AKIRIN2: variants seen among roughly 807,000 people sequenced by gnomAD.
AKIRIN2 encodes akirin-2.
Under a neutral mutation model 29.3 loss-of-function variants are expected in AKIRIN2, and 6 were observed. The observed-to-expected ratio is 0.20, with a 90% CI of 0.11 to 0.40. The LOEUF is 0.40. Among genes scored for constraint, AKIRIN2 ranks in the 10% least tolerant of loss-of-function variants. The pLI is 1.00. For synonymous variants in AKIRIN2, 128 were observed against 117.5 expected (o/e 1.09, Z -0.58); for missense variants, 210 against 276.1 (o/e 0.76, Z 1.70).
intron 1 of AKIRIN2, among the ~76,000 whole-genome samples, chr6:87,697,296 CTT>C (rs1438559906): frequency 7.2e-6 from 1 of 138,536 alleles, no homozygotes; most frequent in Non-Finnish European, 1.5e-5. Context: ...CTGAGTAAGA[CTT>C]TGTCTCAAGA....
intron 1 of AKIRIN2, among the ~76,000 whole-genome samples, chr6:87,700,184 T>C (rs565389344): frequency 1.3e-5 from 2 of 151,092 alleles, no homozygotes; most frequent in African/African-American, 4.9e-5. Context: ...GTCCTTAAAT[T>C]AGACCAAATA....
chr6:87,681,812 A>G, intron 1 of AKIRIN2, 49 bp from the exon 2 acceptor site: 1 of 1,450,710 alleles, frequency 6.9e-7, no homozygotes, highest in Admixed American at 2.5e-5. Context: ...TTCACATTAA[A>G]AAAGAGGTTG....
chr6:87,680,762 C>T (rs924909089), intron 2 of AKIRIN2, among the ~76,000 whole-genome samples: 8 of 70,826 alleles, frequency 1.1e-4, no homozygotes, highest in East Asian at 4.1e-4. Context: ...CCTTATTCCC[C>T]GCCCCCCCCC....
At position 87,678,697 on chromosome 6, in the gene AKIRIN2, G is replaced by A. The variant is rs139887243; in HGVS notation, c.380-730C>T. ...TCAGGTCTAAATTTAATTTTATTTAGTCCCAGAATAACAAATCATTATGCC... is the reference window on the plus strand; with the variant it reads ...TCAGGTCTAAATTTAATTTTATTTAATCCCAGAATAACAAATCATTATGCC... On this transcript the variant is annotated intron_variant, in intron 2 of 4. Coordinates refer to ENST00000257787, the MANE Select transcript of AKIRIN2 (RefSeq NM_018064.4). Among the ~76,000 whole-genome samples the A allele has an allele frequency of 3.6e-3, 554 of 152,012 alleles. 5 individuals are homozygous for A. Among genetic ancestry groups the A allele is most frequent in the African/African-American group, 0.013 (523 of 41,472 alleles).
At chr6:87,679,351 A>G (rs1241631589) in intron 2 of AKIRIN2, among the ~76,000 whole-genome samples, 1 of 143,288 alleles carries the variant, frequency 7.0e-6, no homozygotes, top group Non-Finnish European at 1.5e-5. Flanking sequence ...ATGGCAAACC[A>G]TGTCTCTAAT....
intron 2 of AKIRIN2, among the ~76,000 whole-genome samples, chr6:87,678,482 AAG>A (rs1050432695): frequency 3.9e-5 from 6 of 152,304 alleles, no homozygotes; most frequent in South Asian, 2.1e-4. Context: ...AGCCTGGGCA[AAG>A]AGAGTGAAAC....
At position 87,675,360 on chromosome 6, in the gene AKIRIN2, C is replaced by T; in HGVS notation, c.*237G>A. ...TATAAGAAGCCAAATTGTAATGATACAGCAAAATGAGGCCACTGGTATTAA... is the reference window on the plus strand; with the variant it reads ...TATAAGAAGCCAAATTGTAATGATATAGCAAAATGAGGCCACTGGTATTAA... On this transcript the variant is annotated 3_prime_UTR_variant, in exon 5 of 5. Transcript: ENST00000257787. The T allele has an allele frequency of 1.8e-6, 1 of 548,344 alleles. No homozygotes were observed. Among genetic ancestry groups the T allele is most frequent in the Non-Finnish European group, 3.3e-6 (1 of 305,112 alleles). 34.0% of individuals were successfully genotyped at this position (548,344 alleles called of 1,614,324 possible).
intron 2 of AKIRIN2, among the ~76,000 whole-genome samples, chr6:87,680,418 G>A (rs901070041): frequency 2.7e-5 from 4 of 148,232 alleles, no homozygotes; most frequent in East Asian, 2.0e-4. Flanking sequence ...GACTACAGGC[G>A]CCTGCCACCA....
chr6:87,685,159 CAT>C (rs1012705451), intron 1 of AKIRIN2, among the ~76,000 whole-genome samples: 7 of 152,178 alleles, frequency 4.6e-5, no homozygotes, highest in African/African-American at 1.7e-4. Context: ...ATACTGGTAA[CAT>C]GTGATCAACA....
chr6:87,683,167 T>C (rs185187038), intron 1 of AKIRIN2, among the ~76,000 whole-genome samples: 123 of 152,272 alleles, frequency 8.1e-4, no homozygotes, highest in African/African-American at 2.9e-3. Flanking sequence ...TGGCAAGACA[T>C]ATCCAGTTAA....
chr6:87,684,654 T>C lies in AKIRIN2; in HGVS notation c.236-2891A>G, dbSNP rs549822807. On this transcript the variant is annotated intron_variant, in intron 1 of 4. Coordinates refer to ENST00000257787, the MANE Select transcript of AKIRIN2 (RefSeq NM_018064.4). Reference sequence around the variant, plus strand: ...AGAGTGTAGACTTTTATGTCTGAACTACTTTCACTCAGCAAAATGCTTTTG... The same window carrying C: ...AGAGTGTAGACTTTTATGTCTGAACCACTTTCACTCAGCAAAATGCTTTTG... 3.3e-5 allele frequency among the ~76,000 whole-genome samples: 5 copies of C among 152,340 alleles called. No homozygotes were observed. The South Asian group carries it at 1.0e-3, about 32-fold the overall frequency.
At chr6:87,697,040 G>A (rs984307812) in intron 1 of AKIRIN2, among the ~76,000 whole-genome samples, 1 of 151,626 alleles carries the variant, frequency 6.6e-6, no homozygotes, top group East Asian at 1.9e-4. Flanking sequence ...CGGCGGCACA[G>A]GCTCACACCT....
At chr6:87,701,401 T>A (rs1771461779) in intron 1 of AKIRIN2, 49 bp downstream of exon 1, 1 of 1,524,184 alleles carries the variant, frequency 6.6e-7, no homozygotes, top group Admixed American at 2.0e-5. Flanking sequence ...CCAGGACCCC[T>A]GTTCCCAGTT....
intron 1 of AKIRIN2, among the ~76,000 whole-genome samples, chr6:87,687,044 CAAAA>C (rs10652176): frequency 1.5e-5 from 1 of 67,438 alleles, no homozygotes. Context: ...GACTTAGACT[CAAAA>C]AAAAAAAAAA....
In AKIRIN2 at chr6:87,675,256, T is replaced by C. The variant is rs1353477394; in HGVS notation, c.*341A>G. On this transcript the variant is annotated 3_prime_UTR_variant, in exon 5 of 5. Transcript: ENST00000257787. ...AAAATCACACTAACTTCATCTGAAGTGTCATTCTACAGTTTTATTTACACA... is the reference window on the plus strand; with the variant it reads ...AAAATCACACTAACTTCATCTGAAGCGTCATTCTACAGTTTTATTTACACA... The C allele has an allele frequency of 5.2e-5, 16 of 308,612 alleles. No individual in the cohort carries two copies. The East Asian group carries it at 9.2e-4, about 18-fold the overall frequency. The allele number at this position is 308,612 out of a possible 1,614,324, so 19.1% of individuals were successfully genotyped here.
Position 87,701,598 on chromosome 6 carries a change from T to C in AKIRIN2, c.87A>G (p.Pro29=). Residue 29 remains proline, a synonymous_variant, in exon 1 of 5, where the codon CCA becomes CCG. Coordinates refer to ENST00000257787, the MANE Select transcript of AKIRIN2 (RefSeq NM_018064.4). ...CAGCGGCCGAGGTGGGCGCCGACAA[T>C]GGCGCACATCGCCTGCGCTTCGGGG... ...PASPKRRRCA[P]LSAPTSAAAS... 4 of 1,437,258 alleles carry C rather than the reference T, an allele frequency of 2.8e-6. No homozygotes were observed. Among genetic ancestry groups the C allele is most frequent in the Non-Finnish European group, 1.8e-6 (2 of 1,097,990 alleles). 89.0% of individuals were successfully genotyped at this position (1,437,258 alleles called of 1,614,324 possible). A position where few individuals can be genotyped will look rare whatever the true frequency, so the allele number is the denominator to read the frequency against.
At chr6:87,686,939 G>C (rs919227071) in intron 1 of AKIRIN2, among the ~76,000 whole-genome samples, 1 of 150,966 alleles carries the variant, frequency 6.6e-6, no homozygotes, top group South Asian at 2.1e-4. Context: ...CCAGCTACTC[G>C]GGAGACTGAA....
At chr6:87,696,265 C>G (rs1771360993) in intron 1 of AKIRIN2, among the ~76,000 whole-genome samples, 1 of 152,154 alleles carries the variant, frequency 6.6e-6, no homozygotes, top group Admixed American at 6.5e-5. Flanking sequence ...TTATATTATT[C>G]TCCTTTACAT....
intron 1 of AKIRIN2, among the ~76,000 whole-genome samples, chr6:87,683,907 C>T (rs997478141): frequency 2.0e-5 from 3 of 152,198 alleles, no homozygotes; most frequent in African/African-American, 4.8e-5. Flanking sequence ...CCTCCTCGGT[C>T]TCCCAAAGTG....
Sources: gnomAD v4.1 joint callset for allele counts (sites outside exome capture counted in the v4.1 genomes callset) on GRCh38, gnomAD v4.1.1 for gene constraint, MANE v1.5 for transcripts, NCBI Gene and HGNC (gene_info 2026-07-23, HGNC 2026-07-21) for gene names.